The following TOP3B variants were observed in gnomAD, a reference collection of about 807,000 sequenced individuals.
TOP3B encodes DNA topoisomerase III beta, also known as DNA topoisomerase 3-beta-1.
A neutral mutation model predicts 93.9 loss-of-function variants in TOP3B; 45 were observed. The observed-to-expected ratio is 0.48, with a 90% CI of 0.38 to 0.61. The LOEUF (loss-of-function observed/expected upper bound fraction) is 0.61, where lower values mean the gene tolerates loss of function less well. Among genes scored for constraint, TOP3B ranks in the 20% least tolerant of loss-of-function variants. The pLI is 0.00. For synonymous variants in TOP3B, 357 were observed against 472.6 expected (o/e 0.76, Z 3.17); for missense variants, 750 against 1,156.1 (o/e 0.65, Z 5.09).
Position 21,968,762 on chromosome 22 carries a change from A to G in TOP3B, c.595T>C (p.Tyr199His), listed in dbSNP as rs752788137. The change falls in exon 7 of 18, where the codon TAT becomes CAT. Residue 199 changes from tyrosine (Y) to histidine (H), a missense_variant. Coordinates refer to ENST00000357179, the MANE Select transcript of TOP3B (RefSeq NM_001282112.2). ...GCAFTRFQTK[Y>H]FQGKYGDLDS... ...AAATCACCGTATTTCCCCTGGAAAT[A>G]TTTAGTCTGAAACCTGGAGGGAGTG... is the stretch of plus-strand genomic sequence containing the variant. 2 of 1,614,192 alleles carry G rather than the reference A, an allele frequency of 1.2e-6. No homozygotes were observed. The highest frequency in any genetic ancestry group is 2.2e-5 in the East Asian group (1 of 44,884).
intron 13 of TOP3B, 65 bp from the exon 14 acceptor site, chr22:21,960,514 G>GT (rs2071128917): frequency 1.3e-6 from 2 of 1,598,866 alleles, no homozygotes; most frequent in Non-Finnish European, 1.7e-6. Flanking sequence ...ACCATGTGCT[G>GT]TATCACCTGT....
At chr22:21,972,827 G>A (rs899414694) in intron 3 of TOP3B, 109 bp from the exon 4 acceptor site, 17 of 931,656 alleles carry the variant, frequency 1.8e-5, no homozygotes, top group Non-Finnish European at 2.9e-5. Flanking sequence ...GGAAAGCTTG[G>A]AGAACAATTT....
intron 8 of TOP3B, 113 bp from the exon 9 acceptor site, chr22:21,965,488 C>G: frequency 1.9e-6 from 1 of 516,426 alleles, no homozygotes; most frequent in Non-Finnish European, 3.4e-6. Context: ...CCTGTTTCTC[C>G]AATTCATTCT....
In TOP3B at chr22:21,970,250, G is replaced by T; in HGVS notation, c.541C>A (p.Arg181Ser). The change falls in exon 6 of 18, where the codon CGC becomes AGC. Residue 181 changes from arginine (R) to serine (S), a missense_variant. Coordinates refer to ENST00000357179, the MANE Select transcript of TOP3B (RefSeq NM_001282112.2). This position sits in a 1 kb window ranked among gnomAD's most constrained non-coding sequence, Gnocchi z 4.4. ...DHNEALSVDA[R>S]QELDLRIGCA... ...CCGATTCGCAGGTCCAGCTCCTGGC[G>T]AGCATCCACTGAGAGCGCCTCGTTG... 5.0e-6 allele frequency: 8 copies of T among 1,613,578 alleles called. No homozygotes were observed. The highest frequency in any genetic ancestry group is 6.8e-6 in the Non-Finnish European group (8 of 1,180,020).
intron 3 of TOP3B, chr22:21,973,692 G>C (rs1482196454): frequency 1.3e-5 from 2 of 152,216 alleles, no homozygotes; most frequent in African/African-American, 4.8e-5. Context: ...TGAGCAGCAA[G>C]AACAAGGGCT....
At chr22:21,967,444 A>T in intron 8 of TOP3B, 159 bp downstream of exon 8, 2 of 637,692 alleles carry the variant, frequency 3.1e-6, no homozygotes, top group Non-Finnish European at 5.6e-6. Context: ...TTAGGAGTAT[A>T]TGAGGGAGTA....
chr22:21,982,185 CTAGGAACATCT>C (rs2084646903), intron 1 of TOP3B: 1 of 152,216 alleles, frequency 6.6e-6, no homozygotes, highest in South Asian at 2.1e-4. Flanking sequence ...AAAGGCAAGA[CTAGGAACATCT>C]TACCTTTCAC....
At chr22:21,969,995 G>A in intron 6 of TOP3B, 1 of 459,742 alleles carries the variant, frequency 2.2e-6, no homozygotes, top group Non-Finnish European at 3.8e-6. Flanking sequence ...GTCTCAAACT[G>A]CCAACCTCAA....
intron 6 of TOP3B, 58 bp from the exon 7 acceptor site, chr22:21,968,833 A>T (rs2071518364): frequency 3.8e-6 from 6 of 1,595,376 alleles, no homozygotes; most frequent in Non-Finnish European, 5.1e-6. Context: ...TATTATGGCC[A>T]CCCATGTGAG....
rs147090824 is a variant in TOP3B at position 21,964,161 on chromosome 22, C to T, written c.1098G>A (p.Thr366=). The change falls in exon 10 of 18, where the codon ACG becomes ACA. Residue 366 remains threonine, a splice_region_variant and synonymous_variant. Coordinates refer to ENST00000357179, the MANE Select transcript of TOP3B (RefSeq NM_001282112.2). ...QQANHPYWAD[T]VKRLLAEGIN... The stretch of plus-strand genomic sequence containing the variant: ...CTGAGGCCGGCCCGGCTCCACTCAC[C>T]GTGTCGGCCCAGTAGGGGTGGTTGG... 4.0e-4 allele frequency: 641 copies of T among 1,614,000 alleles called. 2 individuals are homozygous for T. The highest frequency in any genetic ancestry group is 4.9e-4 in the Non-Finnish European group (578 of 1,180,004).
chr22:21,971,715 A>T lies in TOP3B; in HGVS notation c.384+162T>A. The T allele has an allele frequency of 5.6e-6, 4 of 710,278 alleles. No individual in the cohort carries two copies. The highest frequency in any genetic ancestry group is 1.0e-5 in the Non-Finnish European group (4 of 391,720). The allele number at this position is 710,278 out of a possible 1,614,324, so 44.0% of individuals were successfully genotyped here. On this transcript the variant is annotated intron_variant, in intron 5 of 17. Transcript: ENST00000357179. The surrounding 1 kb of genome is among the most constrained non-coding windows in gnomAD (Gnocchi z 4.6). ...TAATAGAGCCTATGCAGTTAAAAGT[A>T]TCTGTGGAGTTTCAGAATAAAGGGA...
chr22:21,967,544 C>T, intron 8 of TOP3B, 59 bp downstream of exon 8: 1 of 1,343,710 alleles, frequency 7.4e-7, no homozygotes, highest in South Asian at 1.2e-5. Flanking sequence ...CAGCGGGAGG[C>T]ATCCAAGGGC....
chr22:21,958,519 G>A lies in TOP3B; in HGVS notation c.2080C>T (p.His694Tyr). The A allele has an allele frequency of 6.2e-7, 1 of 1,614,084 alleles. No homozygotes were observed. Among genetic ancestry groups the A allele is most frequent in the African/African-American group, 1.3e-5 (1 of 75,068 alleles). ...TTCTTCATGTCTCGGAAGGGTGGGT[G>A]GTTGTAGCAGTAGGGGCACAGCGGG... ...SYPLCPYCYN[H>Y]PPFRDMKKGM... Residue 694 changes from histidine to tyrosine, a missense_variant, in exon 17 of 18, where the codon CAC becomes TAC. Transcript: ENST00000357179.
chr22:21,958,834 T>A, intron 16 of TOP3B, 141 bp from the exon 17 acceptor site: 1 of 1,343,692 alleles, frequency 7.4e-7, no homozygotes, highest in Non-Finnish European at 9.9e-7. Context: ...CATGAGTCTC[T>A]GGCTCTTGCT....
intron 4 of TOP3B, 106 bp from the exon 5 acceptor site, chr22:21,972,057 CAGTT>C: frequency 1.1e-6 from 1 of 919,344 alleles, no homozygotes; most frequent in Non-Finnish European, 1.6e-6. Context: ...CCCTGAACCT[CAGTT>C]AGGAGGACTG....
At chr22:21,965,571 T>A (rs1030286823) in intron 8 of TOP3B, 196 bp from the exon 9 acceptor site, 46 of 381,444 alleles carry the variant, frequency 1.2e-4, no homozygotes, top group African/African-American at 8.2e-4. Context: ...AATTCTTTTT[T>A]AAAAAAAAAT....
chr22:21,959,882 T>C, intron 14 of TOP3B, 146 bp from the exon 15 acceptor site: 1 of 1,116,468 alleles, frequency 9.0e-7, no homozygotes, highest in Non-Finnish European at 1.2e-6. Context: ...GTCCACAGCC[T>C]CAGATGGTAC....
intron 13 of TOP3B, chr22:21,961,788 C>T (rs17759934): frequency 0.1 from 16,959 of 162,156 alleles, 969 homozygotes; most frequent in Non-Finnish European, 0.12. Context: ...TGCCCAGCGG[C>T]GCGAGTGCCA....
intron 1 of TOP3B, among the ~76,000 whole-genome samples, chr22:21,978,103 G>T (rs1282215984): frequency 6.6e-6 from 1 of 152,136 alleles, no homozygotes; most frequent in Non-Finnish European, 1.5e-5. Flanking sequence ...GTTTGCATAG[G>T]TGTGGGATAA....
Sources: allele counts gnomAD v4.1 joint callset (sites outside exome capture counted in the v4.1 genomes callset), GRCh38; gene constraint gnomAD v4.1.1; non-coding constraint Gnocchi (gnomAD v3.1); transcripts MANE v1.5; gene names NCBI Gene and HGNC (gene_info 2026-07-23, HGNC 2026-07-21).